WDR12: variants seen among roughly 807,000 people sequenced by gnomAD.
WDR12 encodes WD repeat domain 12.
A neutral mutation model predicts 64.3 loss-of-function variants in WDR12; 42 were observed. That is an observed-to-expected ratio of 0.65 (90% CI 0.51 to 0.84). The LOEUF (loss-of-function observed/expected upper bound fraction) is 0.84. Among genes scored for constraint, WDR12 ranks in the 40% least tolerant of loss-of-function variants. The pLI, the probability that WDR12 is intolerant of heterozygous loss-of-function variation, is 0.00. For missense variants in WDR12, 469 were observed against 494.6 expected (o/e 0.95, Z 0.49); for synonymous variants, 158 against 173.3 (o/e 0.91, Z 0.70).
chr2:202,883,510 T>G, intron 11 of WDR12, 99 bp downstream of exon 11: 1 of 1,364,190 alleles, frequency 7.3e-7, no homozygotes, highest in Non-Finnish European at 9.8e-7. Flanking sequence ...CATGAGGCTT[T>G]TTTTACTCTT....
At chr2:202,896,599 G>C (rs1688246861) in intron 5 of WDR12, among the ~76,000 whole-genome samples, 2 of 152,328 alleles carry the variant, frequency 1.3e-5, no homozygotes, top group Admixed American at 6.5e-5. Flanking sequence ...GCTGAGGCAG[G>C]AGAATCACTT....
intron 12 of WDR12, among the ~76,000 whole-genome samples, chr2:202,881,808 G>A (rs1687952803): frequency 6.6e-6 from 1 of 151,544 alleles, no homozygotes; most frequent in Non-Finnish European, 1.5e-5. Context: ...AGTCACGACC[G>A]CACCACTAAC....
chr2:202,881,037 A>C, intron 12 of WDR12, 100 bp from the exon 13 acceptor site: 1 of 1,072,960 alleles, frequency 9.3e-7, no homozygotes, highest in Non-Finnish European at 1.3e-6. Context: ...TCATTACAAA[A>C]GGAATTATGG....
intron 11 of WDR12, 38 bp from the exon 12 acceptor site, chr2:202,882,821 C>A (rs948801944): frequency 1.1e-5 from 17 of 1,586,864 alleles, no homozygotes; most frequent in Middle Eastern, 3.4e-4. Flanking sequence ...TATGCATTCA[C>A]AGTGTTAAAA....
intron 7 of WDR12, among the ~76,000 whole-genome samples, chr2:202,892,936 A>C (rs1288285943): frequency 6.6e-6 from 1 of 152,188 alleles, no homozygotes; most frequent in Non-Finnish European, 1.5e-5. Flanking sequence ...AAATCTAAGT[A>C]ATTTAAAATC....
intron 6 of WDR12, among the ~76,000 whole-genome samples, chr2:202,895,667 C>A (rs1559161458): frequency 1.3e-5 from 2 of 148,874 alleles, no homozygotes; most frequent in African/African-American, 2.5e-5. Context: ...GGATTACAGG[C>A]ATGCGCCACC....
chr2:202,892,686 T>A lies in WDR12; in HGVS notation c.672A>T (p.Glu224Asp). 6.2e-7 allele frequency: 1 copy of A among 1,612,862 alleles called. No individual in the cohort carries two copies. Among genetic ancestry groups the A allele is most frequent in the Non-Finnish European group, 8.5e-7 (1 of 1,179,108 alleles). The change falls in exon 8 of 13, where the codon GAA (glutamate) becomes GAT (aspartate). Residue 224 changes from glutamate to aspartate, a missense_variant. By Grantham distance (45) the Glu-to-Asp change is conservative. Coordinates refer to ENST00000261015, the MANE Select transcript of WDR12 (RefSeq NM_018256.4). ...GATTTGTGGACTCCTCCATTTCATC[T>A]TCTTCATCTGTAGGGACTGTGTCAT... ...KIWSTVPTDEEDEMEESTNRP... is the reference protein window; with the variant it reads ...KIWSTVPTDEDDEMEESTNRP...
chr2:202,874,715 G>A lies in WDR12; in HGVS notation c.*6145C>T, dbSNP rs150171095. ...GAAGCATTATAGGTCAGTGACAGTG[G>A]GGCCATGGAGAGCTATCTTCCCAGA... On this transcript the variant is annotated 3_prime_UTR_variant, in exon 13 of 13. Transcript: ENST00000261015. 21 of 152,216 alleles carry A rather than the reference G, an allele frequency of 1.4e-4. No homozygotes were observed. The highest frequency in any genetic ancestry group is 6.5e-4 in the Admixed American group (10 of 15,284). The allele number at this position is 152,216 out of a possible 1,614,324, so 9.4% of individuals were successfully genotyped here.
intron 2 of WDR12, among the ~76,000 whole-genome samples, chr2:202,903,495 G>GT (rs1201479306): frequency 1.6e-5 from 2 of 122,766 alleles, no homozygotes; most frequent in African/African-American, 5.7e-5. Flanking sequence ...AAGGAAGGAA[G>GT]GAAGGAAGTG....
At chr2:202,884,028 A>G in intron 10 of WDR12, 170 bp downstream of exon 10, 2 of 682,570 alleles carry the variant, frequency 2.9e-6, no homozygotes, top group Non-Finnish European at 4.9e-6. Flanking sequence ...GGCCAGGCTG[A>G]TCTCCAACTC....
At chr2:202,909,555 A>G (rs1020363150) in intron 1 of WDR12, among the ~76,000 whole-genome samples, 2 of 152,162 alleles carry the variant, frequency 1.3e-5, no homozygotes, top group African/African-American at 4.8e-5. Context: ...CAGCTCAAGG[A>G]TGATGAAAAA....
chr2:202,910,685 A>G, intron 1 of WDR12, among the ~76,000 whole-genome samples: 1 of 152,346 alleles, frequency 6.6e-6, no homozygotes, highest in East Asian at 1.9e-4. Context: ...GTAAGTAAGT[A>G]CATATACTCA....
In WDR12 at chr2:202,878,637, G is replaced by A. The variant is rs574242250; in HGVS notation, c.*2223C>T. ...CTACATCAGCCCTGGACTGCCTCTG[G>A]TTTTCTACAGAGAACTAAACTCCTA... On this transcript the variant is annotated 3_prime_UTR_variant, in exon 13 of 13. Transcript: ENST00000261015. The A allele has an allele frequency of 2.0e-5, 3 of 152,306 alleles. No individual in the cohort carries two copies. The South Asian group carries it at 6.2e-4, about 32-fold the overall frequency. The allele number at this position is 152,306 out of a possible 1,614,324, so 9.4% of individuals were successfully genotyped here.
intron 1 of WDR12, among the ~76,000 whole-genome samples, chr2:202,909,966 T>C (rs1688536878): frequency 6.6e-6 from 1 of 152,002 alleles, no homozygotes; most frequent in African/African-American, 2.4e-5. Flanking sequence ...TGGCAAATTT[T>C]TTGTATTTTT....
intron 2 of WDR12, among the ~76,000 whole-genome samples, chr2:202,902,630 T>C (rs886123720): frequency 5.3e-5 from 8 of 152,114 alleles, no homozygotes; most frequent in Non-Finnish European, 1.2e-4. Flanking sequence ...TTTTGGATTC[T>C]TGGACCAGTG....
chr2:202,884,553 CA>C lies in WDR12; in HGVS notation c.742-19del, dbSNP rs781168625. ...ATGGGAGTCTAGAAAGGAAGAACCC[CA>C]AAAGGGGAAAGTGTTTTCATTACAG... On this transcript the variant is annotated intron_variant, in intron 8 of 12. Transcript: ENST00000261015. The C allele has an allele frequency of 2.5e-6, 4 of 1,597,294 alleles. No individual in the cohort carries two copies. The African/African-American group carries it at 5.4e-5, about 22-fold the overall frequency.
chr2:202,897,300 C>CT lies in WDR12; in HGVS notation c.453dup (p.Asp152ArgfsTer2). 1 of 1,591,430 alleles carries CT rather than the reference C, an allele frequency of 6.3e-7. No individual in the cohort carries two copies. The highest frequency in any genetic ancestry group is 1.8e-5 in the Admixed American group (1 of 55,100). ...CTAAGTGTAGGCAAACTGTCCTAAC[C>CT]TTTTTTCACCCAGGCCACATCTTTT... On this transcript the variant is annotated frameshift_variant and splice_region_variant, in exon 5 of 13. Transcript: ENST00000261015. LOFTEE classifies it high-confidence loss of function.
chr2:202,905,306 T>C (rs7573466), intron 2 of WDR12, among the ~76,000 whole-genome samples: 53,304 of 152,108 alleles, frequency 0.35, 10,071 homozygotes, highest in East Asian at 0.61. Flanking sequence ...CCACCATGCC[T>C]GGCTAATTTT....
chr2:202,899,377 A>G (rs1300215418), intron 4 of WDR12, among the ~76,000 whole-genome samples, 154 bp downstream of exon 4: 1 of 152,118 alleles, frequency 6.6e-6, no homozygotes, highest in African/African-American at 2.4e-5. Flanking sequence ...GAATGAAAAG[A>G]TCTTTCTGTT....
Sources: allele counts gnomAD v4.1 joint callset (sites outside exome capture counted in the v4.1 genomes callset), GRCh38; gene constraint gnomAD v4.1.1; transcripts MANE v1.5; gene names NCBI Gene and HGNC (gene_info 2026-07-23, HGNC 2026-07-21).